DENND4C: variants seen among roughly 807,000 people sequenced by gnomAD.
DENND4C encodes DENN domain-containing protein 4C.
In DENND4C, 108 loss-of-function variants were observed where a neutral mutation model predicts 203.0. The ratio of observed to expected loss-of-function variants is 0.53; its 90% confidence interval spans 0.46 to 0.62. The LOEUF is 0.62. Among genes scored for constraint, DENND4C ranks in the 20% least tolerant of loss-of-function variants. The pLI, the probability that DENND4C is intolerant of heterozygous loss-of-function variation, is 0.00. For missense variants in DENND4C, 2,481 were observed against 2,301.2 expected (o/e 1.08, Z -1.60); for synonymous variants, 871 against 792.4 (o/e 1.10, Z -1.67).
intron 29 of DENND4C, among the ~76,000 whole-genome samples, chr9:19,361,158 C>T (rs986405018): frequency 5.3e-5 from 8 of 152,270 alleles, no homozygotes; most frequent in Middle Eastern, 3.4e-3. Context: ...CGACTGTGCC[C>T]GGCTGGTAGC....
At chr9:19,260,776 G>C (rs1829162331) in intron 1 of DENND4C, among the ~76,000 whole-genome samples, 1 of 152,154 alleles carries the variant, frequency 6.6e-6, no homozygotes, top group East Asian at 1.9e-4. Flanking sequence ...TCTTCACTTT[G>C]TTGATTGTTT....
intron 26 of DENND4C, among the ~76,000 whole-genome samples, chr9:19,355,305 C>A (rs1324639338): frequency 6.6e-6 from 1 of 152,090 alleles, no homozygotes; most frequent in Non-Finnish European, 1.5e-5. Context: ...ATTTTGATGT[C>A]ATCCATTAAT....
chr9:19,240,439 G>A (rs1823385894), intron 1 of DENND4C, among the ~76,000 whole-genome samples: 1 of 151,462 alleles, frequency 6.6e-6, no homozygotes. Flanking sequence ...AGGCTGAAGT[G>A]GGTGGATCAC....
chr9:19,366,949 A>G (rs1310475321), intron 30 of DENND4C, among the ~76,000 whole-genome samples: 7 of 152,250 alleles, frequency 4.6e-5, no homozygotes, highest in Non-Finnish European at 8.8e-5. Context: ...TGCAAATCAT[A>G]TCTTAAAAAG....
intron 5 of DENND4C, among the ~76,000 whole-genome samples, chr9:19,294,376 G>C (rs533558189): frequency 6.6e-6 from 1 of 152,110 alleles, no homozygotes; most frequent in African/African-American, 2.4e-5. Flanking sequence ...AGGAGTGTCA[G>C]CTTTATCTTG....
At position 19,324,439 on chromosome 9, in the gene DENND4C, A is replaced by G. The variant is rs1315498950; in HGVS notation, c.1885A>G (p.Ile629Val). 2.5e-6 allele frequency: 4 copies of G among 1,612,936 alleles called. No homozygotes were observed. In the African/African-American group the frequency reaches 5.3e-5, roughly 22 times the overall value. Reference sequence around the variant, plus strand: ...CAAAACACAGATTTTTATTCGTTTCATTGAAGAATGCAGTTTTGTAAGTGA... The same window carrying G: ...CAAAACACAGATTTTTATTCGTTTCGTTGAAGAATGCAGTTTTGTAAGTGA... ...LSKTQIFIRF[I>V]EECSFVSDKD... is the part of the protein sequence containing the mutation. The change falls in exon 13 of 33, where the codon ATT becomes GTT. Residue 629 changes from isoleucine (I) to valine (V), a missense_variant. Physicochemically the swap from Ile to Val is conservative, Grantham distance 29 (BLOSUM62 3). Transcript: ENST00000434457.
chr9:19,266,712 A>T (rs1053477530), intron 1 of DENND4C, among the ~76,000 whole-genome samples: 3 of 152,244 alleles, frequency 2.0e-5, no homozygotes, highest in Admixed American at 6.5e-5. Flanking sequence ...ACCTGACAAA[A>T]ACAAAAAATG....
chr9:19,278,951 T>G (rs1833474327), intron 2 of DENND4C, among the ~76,000 whole-genome samples: 1 of 152,152 alleles, frequency 6.6e-6, no homozygotes, highest in African/African-American at 2.4e-5. Context: ...TGGACCAGTA[T>G]TGTCCAAAAG....
intron 16 of DENND4C, among the ~76,000 whole-genome samples, chr9:19,328,709 A>G (rs1818426587): frequency 6.6e-6 from 1 of 151,156 alleles, no homozygotes; most frequent in Admixed American, 6.6e-5. Context: ...CTATCTATCA[A>G]TCAAGGCTGA....
At chr9:19,286,655 T>C (rs1461654315) in intron 2 of DENND4C, 114 bp from the exon 3 acceptor site, 1 of 1,078,158 alleles carries the variant, frequency 9.3e-7, no homozygotes, top group Non-Finnish European at 1.2e-6. Flanking sequence ...AAAATTTTCT[T>C]TGATTTCAAG....
At chr9:19,273,135 G>C (rs973487736) in intron 1 of DENND4C, among the ~76,000 whole-genome samples, 3 of 151,742 alleles carry the variant, frequency 2.0e-5, no homozygotes, top group Non-Finnish European at 4.4e-5. Flanking sequence ...TGTATTTTTA[G>C]TAGAGACAGA....
chr9:19,364,987 A>G (rs1040596753), intron 30 of DENND4C, among the ~76,000 whole-genome samples: 1 of 152,236 alleles, frequency 6.6e-6, no homozygotes, highest in African/African-American at 2.4e-5. Context: ...CCTAAAGGAA[A>G]TTATTTTATT....
intron 1 of DENND4C, among the ~76,000 whole-genome samples, chr9:19,274,910 G>A (rs1002639386): frequency 1.3e-5 from 2 of 152,186 alleles, no homozygotes; most frequent in African/African-American, 4.8e-5. Flanking sequence ...TATTTTGAAT[G>A]ATCTGAATAT....
At position 19,346,304 on chromosome 9, in the gene DENND4C, G is replaced by C. The variant is rs1822868344; in HGVS notation, c.3535G>C (p.Glu1179Gln). The C allele has an allele frequency of 1.2e-6, 2 of 1,614,192 alleles. No individual in the cohort carries two copies. The highest frequency in any genetic ancestry group is 1.7e-6 in the Non-Finnish European group (2 of 1,180,032). ...TGAGCACAGATCATCTCCGGTGCCA[G>C]AGATGCTTGAGGAAAGCCAAGAACT... ...NPEHRSSPVP[E>Q]MLEESQELLE... Residue 1179 changes from glutamate to glutamine, a missense_variant, in exon 23 of 33, where the codon GAG (glutamate) becomes CAG (glutamine). Physicochemically the swap from Glu to Gln is conservative, Grantham distance 29. Transcript: ENST00000434457.
chr9:19,371,122 C>T (rs1448406100), intron 31 of DENND4C, among the ~76,000 whole-genome samples: 2 of 151,898 alleles, frequency 1.3e-5, no homozygotes, highest in African/African-American at 4.8e-5. Context: ...AGCCTTACGT[C>T]TTTTTTTTCT....
At chr9:19,353,189 A>G (rs978333991) in intron 26 of DENND4C, among the ~76,000 whole-genome samples, 2 of 152,244 alleles carry the variant, frequency 1.3e-5, no homozygotes, top group African/African-American at 4.8e-5. Flanking sequence ...ATTCTAGGCA[A>G]TAGATATAAG....
intron 1 of DENND4C, among the ~76,000 whole-genome samples, chr9:19,252,658 G>A (rs1826915209): frequency 6.6e-6 from 1 of 151,596 alleles, no homozygotes. Context: ...TAGCTTCATT[G>A]GCTCACATAT....
At chr9:19,357,612 G>T (rs1449121499) in intron 27 of DENND4C, 1 of 213,894 alleles carries the variant, frequency 4.7e-6, no homozygotes, top group South Asian at 1.1e-4. Flanking sequence ...ATACTTGTCA[G>T]TGTCTTTATT....
intron 12 of DENND4C, among the ~76,000 whole-genome samples, chr9:19,318,736 A>G (rs1340006079): frequency 1.3e-5 from 2 of 152,272 alleles, no homozygotes; most frequent in Non-Finnish European, 1.5e-5. Context: ...TTTTATGTCC[A>G]AATATCCTCT....
Sources: gnomAD v4.1 joint callset for allele counts (sites outside exome capture counted in the v4.1 genomes callset) on GRCh38, gnomAD v4.1.1 for gene constraint, MANE v1.5 for transcripts, NCBI Gene and HGNC (gene_info 2026-07-23, HGNC 2026-07-21) for gene names.